PTCD1: variants seen among roughly 807,000 people sequenced by gnomAD.
PTCD1 encodes the protein pentatricopeptide repeat-containing protein 1, mitochondrial.
Under a neutral mutation model 53.4 loss-of-function variants are expected in PTCD1, and 50 were observed. The observed-to-expected ratio is 0.94, with a 90% CI of 0.75 to 1.19. PTCD1 has a LOEUF of 1.19. PTCD1 is among the 50% of genes most tolerant of loss of function. The pLI, the probability that PTCD1 is intolerant of heterozygous loss-of-function variation, is 0.00. For synonymous variants in PTCD1, 413 were observed against 394.8 expected (o/e 1.05, Z -0.55); for missense variants, 918 against 904.8 (o/e 1.01, Z -0.19).
intron 5 of PTCD1, among the ~76,000 whole-genome samples, chr7:99,427,401 G>C (rs1187705714): frequency 2.1e-5 from 3 of 139,628 alleles, no homozygotes; most frequent in Non-Finnish European, 3.2e-5. Context: ...GGGAGGTGAG[G>C]GGCGCCTCTG....
chr7:99,419,837 A>G lies in PTCD1; in HGVS notation c.*130T>C. On this transcript the variant is annotated 3_prime_UTR_variant, in exon 8 of 8. Coordinates refer to ENST00000292478, the MANE Select transcript of PTCD1 (RefSeq NM_015545.4). ...GGGCCTAGTGTGTGTCCTCACCAACACCTGTGACACGCTGCGGCTGTTCCT... is the reference window on the plus strand; with the variant it reads ...GGGCCTAGTGTGTGTCCTCACCAACGCCTGTGACACGCTGCGGCTGTTCCT... The G allele has an allele frequency of 6.7e-7, 1 of 1,497,608 alleles. No homozygotes were observed. Among genetic ancestry groups the G allele is most frequent in the Non-Finnish European group, 9.1e-7 (1 of 1,100,022 alleles). 92.8% of individuals were successfully genotyped at this position (1,497,608 alleles called of 1,614,324 possible). A position where few individuals can be genotyped will look rare whatever the true frequency, so the allele number is the denominator to read the frequency against.
At chr7:99,422,047 C>A (rs1449259541) in intron 7 of PTCD1, among the ~76,000 whole-genome samples, 1 of 152,104 alleles carries the variant, frequency 6.6e-6, no homozygotes, top group African/African-American at 2.4e-5. Flanking sequence ...AAGAGACAAT[C>A]CACTAGGAAG....
chr7:99,433,456 G>GC (rs1242568433), intron 2 of PTCD1, 38 bp from the exon 3 acceptor site: 1 of 1,613,658 alleles, frequency 6.2e-7, no homozygotes, highest in Non-Finnish European at 8.5e-7. Flanking sequence ...GCTCAGAATG[G>GC]CCCCAGAGAC....
At chr7:99,423,116 CAGGCTGG>C (rs1321149421) in intron 7 of PTCD1, among the ~76,000 whole-genome samples, 1 of 151,662 alleles carries the variant, frequency 6.6e-6, no homozygotes, top group Admixed American at 6.6e-5. Context: ...ATCTATCGCC[CAGGCTGG>C]AGTGCAGTGG....
chr7:99,429,332 C>T, intron 4 of PTCD1, 128 bp from the exon 5 acceptor site: 1 of 1,278,328 alleles, frequency 7.8e-7, no homozygotes, highest in Non-Finnish European at 1.1e-6. Flanking sequence ...AGTTTTGTGA[C>T]CAGCCTGGGC....
chr7:99,417,014 T>C lies in PTCD1; in HGVS notation c.*2953A>G, dbSNP rs1584441409. On this transcript the variant is annotated 3_prime_UTR_variant, in exon 8 of 8. Coordinates refer to ENST00000292478, the MANE Select transcript of PTCD1 (RefSeq NM_015545.4). The stretch of plus-strand genomic sequence containing the variant: ...GAGGCACCTTGCCTGGCCTAAGTAC[T>C]TTTTTTTTTTGTTCCTCCTCCAAGG... 1 of 146,952 alleles carries C rather than the reference T, an allele frequency of 6.8e-6. No individual in the cohort carries two copies. The highest frequency in any genetic ancestry group is 6.7e-5 in the Admixed American group (1 of 14,940). The allele number at this position is 146,952 out of a possible 1,614,324, so 9.1% of individuals were successfully genotyped here.
At chr7:99,432,981 G>A (rs754311979) in intron 3 of PTCD1, 17 of 480,844 alleles carry the variant, frequency 3.5e-5, no homozygotes, top group Non-Finnish European at 6.1e-5. Flanking sequence ...CCAAGGAGTT[G>A]GAGGCTGCAG....
Position 99,434,846 on chromosome 7 carries a change from T to A in PTCD1, c.397A>T (p.Arg133Ter). The change falls in exon 2 of 8, where the codon AGA (arginine) becomes TGA (stop). Residue 133 changes from arginine (R) to a stop codon, truncating the protein, a stop_gained. Transcript: ENST00000292478. LOFTEE classifies it high-confidence loss of function. ...EPEPKLWRGR[R>*]NTPYWYFLQC... is the part of the protein sequence containing the mutation. ...AAGAAGTACCAGTACGGGGTGTTTC[T>A]CCGGCCTCGCCATAATTTGGGCTCC... 6.2e-7 allele frequency: 1 copy of A among 1,614,186 alleles called. No individual in the cohort carries two copies. The highest frequency in any genetic ancestry group is 2.2e-5 in the East Asian group (1 of 44,880).
chr7:99,438,449 A>C, intron 1 of PTCD1: 3 of 984,332 alleles, frequency 3.0e-6, no homozygotes, highest in South Asian at 4.6e-5. Flanking sequence ...TGGGCCACAG[A>C]GCGAGAAAAA....
In PTCD1 at chr7:99,417,835, C is replaced by A; in HGVS notation, c.*2132G>T. ...TCCACTTTTGGGCAAATTACTGAACCCCTTTCCTCACTTAGGAAATGGTGG... is the reference window on the plus strand; with the variant it reads ...TCCACTTTTGGGCAAATTACTGAACACCTTTCCTCACTTAGGAAATGGTGG... On this transcript the variant is annotated 3_prime_UTR_variant, in exon 8 of 8. Transcript: ENST00000292478. 2.1e-6 allele frequency: 3 copies of A among 1,463,330 alleles called. No homozygotes were observed. Among genetic ancestry groups the A allele is most frequent in the South Asian group, 2.7e-5 (2 of 75,046 alleles). The allele number at this position is 1,463,330 out of a possible 1,614,324, so 90.6% of individuals were successfully genotyped here. A position where few individuals can be genotyped will look rare whatever the true frequency, so the allele number is the denominator to read the frequency against.
chr7:99,419,853 G>A lies in PTCD1; in HGVS notation c.*114C>T, dbSNP rs997357495. The A allele has an allele frequency of 1.7e-5, 27 of 1,557,512 alleles. 1 individual carries two copies. Among genetic ancestry groups the A allele is most frequent in the South Asian group, 6.9e-5 (6 of 87,548 alleles). ...CTCACCAACACCTGTGACACGCTGCGGCTGTTCCTCAGGGCCTGGCTCTTC... is the reference window on the plus strand; with the variant it reads ...CTCACCAACACCTGTGACACGCTGCAGCTGTTCCTCAGGGCCTGGCTCTTC... On this transcript the variant is annotated 3_prime_UTR_variant, in exon 8 of 8. Transcript: ENST00000292478.
chr7:99,421,596 A>C (rs1011740251), intron 7 of PTCD1, among the ~76,000 whole-genome samples: 12 of 149,642 alleles, frequency 8.0e-5, no homozygotes, highest in South Asian at 4.2e-4. Flanking sequence ...AAAAAAAAAA[A>C]CCACAAAAAT....
chr7:99,429,517 C>T (rs1796179335), intron 4 of PTCD1, 71 bp downstream of exon 4: 2 of 1,606,472 alleles, frequency 1.2e-6, no homozygotes, highest in South Asian at 1.1e-5. Flanking sequence ...GAGAGACAGA[C>T]ACCACAGCCC....
chr7:99,427,090 T>G (rs1277394713), intron 5 of PTCD1, among the ~76,000 whole-genome samples: 17 of 123,192 alleles, frequency 1.4e-4, no homozygotes, highest in East Asian at 2.5e-4. Context: ...GAGGTGGGGG[T>G]CAGCCCCCGC....
intron 3 of PTCD1, among the ~76,000 whole-genome samples, chr7:99,430,585 T>C (rs1276571233): frequency 6.6e-6 from 1 of 152,152 alleles, no homozygotes; most frequent in African/African-American, 2.4e-5. Context: ...TCAGTTTCCT[T>C]ATCTGAAAAG....
chr7:99,428,050 C>A (rs1229089398), intron 5 of PTCD1, among the ~76,000 whole-genome samples: 1 of 151,302 alleles, frequency 6.6e-6, no homozygotes, highest in Non-Finnish European at 1.5e-5. Flanking sequence ...CCACTATTGT[C>A]CTATGACCCT....
chr7:99,438,132 A>C (rs1796563480), intron 1 of PTCD1, among the ~76,000 whole-genome samples: 1 of 152,134 alleles, frequency 6.6e-6, no homozygotes, highest in Non-Finnish European at 1.5e-5. Context: ...GGTTAAAAAA[A>C]ACCCTGAATT....
chr7:99,434,004 A>G (rs904762897), intron 2 of PTCD1, among the ~76,000 whole-genome samples: 1 of 150,094 alleles, frequency 6.7e-6, no homozygotes, highest in Non-Finnish European at 1.5e-5. Flanking sequence ...GTGAGCCAAG[A>G]TTTCACCACT....
In PTCD1 at chr7:99,425,914, A is replaced by G. The variant is rs1419349575; in HGVS notation, c.916-298T>C. Reference sequence around the variant, plus strand: ...AAACCCCATCTCTACTAAAAATACAAAAATTATTGGGTGTGGTATTGCATG... The same window carrying G: ...AAACCCCATCTCTACTAAAAATACAGAAATTATTGGGTGTGGTATTGCATG... On this transcript the variant is annotated intron_variant, in intron 5 of 7. Coordinates refer to ENST00000292478, the MANE Select transcript of PTCD1 (RefSeq NM_015545.4). 2.0e-5 allele frequency among the ~76,000 whole-genome samples: 3 copies of G among 152,116 alleles called. No homozygotes were observed. The East Asian group carries it at 5.8e-4, about 29-fold the overall frequency.
Sources: gnomAD v4.1 joint callset for allele counts (sites outside exome capture counted in the v4.1 genomes callset) on GRCh38, gnomAD v4.1.1 for gene constraint, MANE v1.5 for transcripts, NCBI Gene and HGNC (gene_info 2026-07-23, HGNC 2026-07-21) for gene names.